The following PPME1 variants were observed in gnomAD, a reference collection of about 807,000 sequenced individuals.
The protein encoded by PPME1 is testicular secretory protein Li 39.
Under a neutral mutation model 56.9 loss-of-function variants are expected in PPME1, and 17 were observed. The observed-to-expected ratio is 0.30, with a 90% CI of 0.20 to 0.45. The LOEUF (loss-of-function observed/expected upper bound fraction) is 0.45. Ranked by LOEUF, PPME1 falls within the 20% of genes least tolerant of loss-of-function variation. The probability of loss-of-function intolerance (pLI) is 1.00; values close to 1 mark genes in which losing one functional copy is unlikely to be tolerated. For missense variants in PPME1, 357 were observed against 483.2 expected (o/e 0.74, Z 2.45); for synonymous variants, 122 against 156.2 (o/e 0.78, Z 1.63).
intron 3 of PPME1, among the ~76,000 whole-genome samples, chr11:74,214,232 G>A (rs909291590): frequency 1.3e-5 from 2 of 152,166 alleles, no homozygotes; most frequent in Non-Finnish European, 1.5e-5. Context: ...CATATTTGAT[G>A]AGGCAGAAGT....
chr11:74,236,167 C>G (rs1260085792), intron 8 of PPME1, among the ~76,000 whole-genome samples: 2 of 152,112 alleles, frequency 1.3e-5, no homozygotes, highest in African/African-American at 4.8e-5. Context: ...CTTTCCTTCC[C>G]TTTCTTTTTT....
chr11:74,190,365 G>A (rs1269939831), intron 1 of PPME1, among the ~76,000 whole-genome samples: 4 of 152,118 alleles, frequency 2.6e-5, no homozygotes, highest in Admixed American at 6.5e-5. Flanking sequence ...GAGTTCAGTC[G>A]AGATCAGGTT....
intron 1 of PPME1, among the ~76,000 whole-genome samples, chr11:74,174,350 T>C (rs1857357356): frequency 6.6e-6 from 1 of 152,246 alleles, no homozygotes; most frequent in Non-Finnish European, 1.5e-5. Context: ...TTTTGAGTTG[T>C]GTATCTTACT....
chr11:74,197,552 A>G (rs1858018899), intron 1 of PPME1, among the ~76,000 whole-genome samples: 1 of 152,202 alleles, frequency 6.6e-6, no homozygotes, highest in African/African-American at 2.4e-5. Context: ...TGGTACTATA[A>G]TCCCCTAACA....
At position 74,204,492 on chromosome 11, in the gene PPME1, T is replaced by C. The variant is rs1470654312; in HGVS notation, c.288+47T>C. ...CAAGTTAATGTTAGCACTTTTGAAC[T>C]AATGAAAGTATAGGGACAAATCTTG... On this transcript the variant is annotated intron_variant, in intron 3 of 13. Transcript: ENST00000328257. The C allele has an allele frequency of 2.0e-6, 3 of 1,469,344 alleles. No homozygotes were observed. In the African/African-American group the frequency reaches 4.2e-5, roughly 20 times the overall value. 91.0% of individuals were successfully genotyped at this position (1,469,344 alleles called of 1,614,324 possible). A position where few individuals can be genotyped will look rare whatever the true frequency, so the allele number is the denominator to read the frequency against.
chr11:74,204,552 G>A, intron 3 of PPME1, 107 bp downstream of exon 3: 1 of 898,704 alleles, frequency 1.1e-6, no homozygotes, highest in Non-Finnish European at 1.8e-6. Context: ...AGCAGGAATT[G>A]CTATTCCAGG....
chr11:74,211,600 TAA>T (rs1858476640), intron 3 of PPME1, among the ~76,000 whole-genome samples: 1 of 152,072 alleles, frequency 6.6e-6, no homozygotes, highest in African/African-American at 2.4e-5. Flanking sequence ...AAGCCATAAA[TAA>T]AAGATTAATT....
intron 1 of PPME1, among the ~76,000 whole-genome samples, chr11:74,188,162 G>A (rs900369517): frequency 6.7e-6 from 1 of 150,354 alleles, no homozygotes; most frequent in South Asian, 2.1e-4. Flanking sequence ...AGAATCGTGA[G>A]TTCATATTGA....
At chr11:74,193,256 A>G (rs1418141574) in intron 1 of PPME1, among the ~76,000 whole-genome samples, 4 of 152,274 alleles carry the variant, frequency 2.6e-5, no homozygotes, top group African/African-American at 9.6e-5. Context: ...AAACAACCAT[A>G]GATTTTCCAC....
intron 3 of PPME1, among the ~76,000 whole-genome samples, chr11:74,215,043 A>C (rs949150267): frequency 6.6e-6 from 1 of 152,204 alleles, no homozygotes; most frequent in African/African-American, 2.4e-5. Context: ...TAATATATAA[A>C]TAGAAACAAT....
chr11:74,172,942 G>A (rs2135585911), intron 1 of PPME1, among the ~76,000 whole-genome samples: 1 of 152,212 alleles, frequency 6.6e-6, no homozygotes, highest in East Asian at 1.9e-4. Flanking sequence ...GTAAGTCCTA[G>A]GGATGAAAAG....
At chr11:74,240,171 C>CA (rs1269416506) in intron 9 of PPME1, among the ~76,000 whole-genome samples, 1 of 152,110 alleles carries the variant, frequency 6.6e-6, no homozygotes, top group Non-Finnish European at 1.5e-5. Context: ...CTGTATGACA[C>CA]ACCTTAGCAC....
chr11:74,186,659 A>G (rs1857691008), intron 1 of PPME1, among the ~76,000 whole-genome samples: 1 of 152,212 alleles, frequency 6.6e-6, no homozygotes, highest in Admixed American at 6.5e-5. Flanking sequence ...GAATAAAGCT[A>G]AAGGACAAAG....
chr11:74,212,555 A>G (rs1011385006), intron 3 of PPME1, among the ~76,000 whole-genome samples: 1 of 152,086 alleles, frequency 6.6e-6, no homozygotes, highest in South Asian at 2.1e-4. Flanking sequence ...CTCTCCCCCA[A>G]CCTCAGGTGG....
intron 1 of PPME1, among the ~76,000 whole-genome samples, chr11:74,173,494 A>G (rs1340483484): frequency 6.6e-6 from 1 of 152,172 alleles, no homozygotes; most frequent in African/African-American, 2.4e-5. Flanking sequence ...GCTGATTAGA[A>G]GATTGTATAA....
intron 2 of PPME1, 146 bp downstream of exon 2, chr11:74,203,967 G>A (rs1858250165): frequency 1.7e-6 from 1 of 590,140 alleles, no homozygotes; most frequent in Non-Finnish European, 2.8e-6. Flanking sequence ...TTGCCTGGAA[G>A]TCCATGCCAA....
At chr11:74,201,103 G>A (rs1858150967) in intron 1 of PPME1, among the ~76,000 whole-genome samples, 1 of 152,016 alleles carries the variant, frequency 6.6e-6, no homozygotes, top group Non-Finnish European at 1.5e-5. Flanking sequence ...AGCCTCCTGA[G>A]TAGCTGGGAT....
intron 1 of PPME1, among the ~76,000 whole-genome samples, chr11:74,171,969 T>C (rs1477962125): frequency 6.6e-6 from 1 of 151,922 alleles, no homozygotes; most frequent in African/African-American, 2.4e-5. Context: ...AGTTCTAATA[T>C]CTGCACTGTG....
In PPME1 at chr11:74,235,926, C is replaced by A; in HGVS notation, c.670C>A (p.Leu224Met). ...WSVKSGQIRN[L>M]ESARVSMVGQ... ...TGTGAAGAGTGGCCAGATTCGAAAT[C>A]TGGAGTCTGCCCGTGTCTCAATGGT... The change falls in exon 8 of 14, where the codon CTG (leucine) becomes ATG (methionine). Residue 224 changes from leucine (L) to methionine (M), a missense_variant. Physicochemically the swap from Leu to Met is conservative, Grantham distance 15 (BLOSUM62 2). Transcript: ENST00000328257. 1 of 1,612,550 alleles carries A rather than the reference C, an allele frequency of 6.2e-7. No homozygotes were observed. Among genetic ancestry groups the A allele is most frequent in the East Asian group, 2.2e-5 (1 of 44,850 alleles).
Sources: gnomAD v4.1 joint callset for allele counts (sites outside exome capture counted in the v4.1 genomes callset) on GRCh38, gnomAD v4.1.1 for gene constraint, MANE v1.5 for transcripts, NCBI Gene and HGNC (gene_info 2026-07-23, HGNC 2026-07-21) for gene names.